Variants in LPP observed in about 807,000 individuals in gnomAD.
The protein encoded by LPP is lipoma-preferred partner.
A neutral mutation model predicts 60.4 loss-of-function variants in LPP; 38 were observed. That is an observed-to-expected ratio of 0.63 (90% CI 0.49 to 0.83). LPP has a LOEUF of 0.83. Among genes scored for constraint, LPP ranks in the 40% least tolerant of loss-of-function variants. LPP has a pLI of 0.00. For synonymous variants in LPP, 328 were observed against 290.8 expected (o/e 1.13, Z -1.30); for missense variants, 902 against 783.6 (o/e 1.15, Z -1.80).
intron 2 of LPP, among the ~76,000 whole-genome samples, chr3:188,340,913 C>G (rs1036073076): frequency 2.6e-5 from 4 of 152,054 alleles, no homozygotes; most frequent in South Asian, 2.1e-4. Flanking sequence ...TATCACTGCT[C>G]TCTATAACCA....
chr3:188,675,573 A>G (rs1360047132), intron 7 of LPP, among the ~76,000 whole-genome samples: 1 of 152,212 alleles, frequency 6.6e-6, no homozygotes, highest in Non-Finnish European at 1.5e-5. Flanking sequence ...CTTAGAAGCC[A>G]GTATATCATT....
At chr3:188,676,326 C>T (rs1858082643) in intron 7 of LPP, among the ~76,000 whole-genome samples, 1 of 152,044 alleles carries the variant, frequency 6.6e-6, no homozygotes, top group Non-Finnish European at 1.5e-5. Flanking sequence ...TACAAGCTGT[C>T]AATTAAGTGT....
At chr3:188,796,188 T>C (rs911390929) in intron 9 of LPP, among the ~76,000 whole-genome samples, 1 of 152,202 alleles carries the variant, frequency 6.6e-6, no homozygotes, top group African/African-American at 2.4e-5. Context: ...AAGACAGGCA[T>C]TCCTAAGGAA....
chr3:188,670,811 G>C (rs1856808396), intron 7 of LPP, among the ~76,000 whole-genome samples: 1 of 152,112 alleles, frequency 6.6e-6, no homozygotes, highest in Middle Eastern at 3.2e-3. Context: ...CAAGTCAAGG[G>C]ATTCCAAATG....
intron 4 of LPP, among the ~76,000 whole-genome samples, chr3:188,438,753 G>A (rs73888483): frequency 0.011 from 1,750 of 152,268 alleles, 37 homozygotes; most frequent in African/African-American, 0.04. Flanking sequence ...TAAAAACCAC[G>A]TGAAGAGAAT....
chr3:188,300,454 ATTTT>A (rs34492581), intron 2 of LPP, among the ~76,000 whole-genome samples: 6,727 of 125,170 alleles, frequency 0.054, 531 homozygotes, highest in African/African-American at 0.18. Context: ...ACACTTGGCC[ATTTT>A]TTTTTTTTTT....
intron 9 of LPP, among the ~76,000 whole-genome samples, chr3:188,768,642 T>TGTATTTCTATATATG (rs1377571234): frequency 6.6e-6 from 1 of 152,194 alleles, no homozygotes; most frequent in Admixed American, 6.5e-5. Context: ...CATATTTCGA[T>TGTATTTCTATATATG]TTATTATGCA....
rs1162740528 is a variant in LPP at position 188,610,559 on chromosome 3, T to C, written c.1113+715T>C. Among the ~76,000 whole-genome samples, 1 of 152,236 alleles carries C rather than the reference T, an allele frequency of 6.6e-6. No individual in the cohort carries two copies. The highest frequency in any genetic ancestry group is 1.5e-5 in the Non-Finnish European group (1 of 68,042). On this transcript the variant is annotated intron_variant, in intron 7 of 11. Transcript: ENST00000617246. This position sits in a 1 kb window ranked among gnomAD's most constrained non-coding sequence, Gnocchi z 4.4. ...AGAAAGAATCTTATTCTTCAGCCTT[T>C]AGCACTATTAAGCAATGTTTAAAAA...
intron 9 of LPP, among the ~76,000 whole-genome samples, chr3:188,788,792 C>A (rs972491916): frequency 1.3e-4 from 20 of 152,322 alleles, no homozygotes; most frequent in African/African-American, 3.8e-4. Flanking sequence ...AGCACGCCCC[C>A]CCGGCTCTAA....
chr3:188,615,728 A>G (rs1844711619), intron 7 of LPP, among the ~76,000 whole-genome samples: 1 of 152,042 alleles, frequency 6.6e-6, no homozygotes, highest in Non-Finnish European at 1.5e-5. Context: ...AGACCAGAGA[A>G]AAAGAGAGCA....
chr3:188,242,825 CGAAT>C (rs1725462704), intron 2 of LPP, among the ~76,000 whole-genome samples: 2 of 152,230 alleles, frequency 1.3e-5, no homozygotes, highest in South Asian at 4.1e-4. Context: ...ATATTGAAGA[CGAAT>C]GAGGCGATGT....
chr3:188,395,443 G>T (rs905440128), intron 3 of LPP, among the ~76,000 whole-genome samples: 1 of 151,664 alleles, frequency 6.6e-6, no homozygotes, highest in Non-Finnish European at 1.5e-5. Flanking sequence ...GTTGTGTTGC[G>T]CAGGCTGATC....
At chr3:188,486,020 T>C (rs1479049848) in intron 5 of LPP, among the ~76,000 whole-genome samples, 2 of 152,096 alleles carry the variant, frequency 1.3e-5, no homozygotes, top group African/African-American at 4.8e-5. Flanking sequence ...ATTTTATCAT[T>C]TGTTTTACAG....
intron 2 of LPP, among the ~76,000 whole-genome samples, chr3:188,251,088 T>C (rs1301664613): frequency 7.9e-6 from 1 of 126,730 alleles, no homozygotes; most frequent in African/African-American, 3.6e-5. Flanking sequence ...TTTCTCTCTC[T>C]CTTTCTCTCT....
At chr3:188,344,223 A>G (rs1290686668) in intron 3 of LPP, among the ~76,000 whole-genome samples, 1 of 152,222 alleles carries the variant, frequency 6.6e-6, no homozygotes, top group East Asian at 1.9e-4. Flanking sequence ...GGACTTGTCT[A>G]TATTGCCAGA....
At chr3:188,868,541 G>A (rs1767252826) in intron 10 of LPP, among the ~76,000 whole-genome samples, 1 of 152,188 alleles carries the variant, frequency 6.6e-6, no homozygotes, top group Non-Finnish European at 1.5e-5. Flanking sequence ...TTCATGATTG[G>A]CAGGTATGTA....
At chr3:188,638,854 G>A (rs934732537) in intron 7 of LPP, among the ~76,000 whole-genome samples, 8 of 150,832 alleles carry the variant, frequency 5.3e-5, no homozygotes, top group Non-Finnish European at 8.9e-5. Flanking sequence ...CACTGCTCAA[G>A]GAAATAAAAG....
intron 6 of LPP, among the ~76,000 whole-genome samples, chr3:188,548,201 C>T (rs1280076457): frequency 6.6e-6 from 1 of 152,190 alleles, no homozygotes; most frequent in Non-Finnish European, 1.5e-5. Context: ...GTGAATTCTC[C>T]TAGTTCTGCT....
At chr3:188,258,582 A>T (rs1267690952) in intron 2 of LPP, among the ~76,000 whole-genome samples, 1 of 152,148 alleles carries the variant, frequency 6.6e-6, no homozygotes, top group Admixed American at 6.5e-5. Flanking sequence ...TGGCCTCCCA[A>T]AGTGCTGGAA....
Sources: allele counts gnomAD v4.1 joint callset (sites outside exome capture counted in the v4.1 genomes callset), GRCh38; gene constraint gnomAD v4.1.1; non-coding constraint Gnocchi (gnomAD v3.1); transcripts MANE v1.5; gene names NCBI Gene and HGNC (gene_info 2026-07-23, HGNC 2026-07-21).